Variants in PIK3C2A observed in about 807,000 individuals in gnomAD.
PIK3C2A encodes phosphatidylinositol-4-phosphate 3-kinase catalytic subunit type 2 alpha.
PIK3C2A carries 97 observed loss-of-function variants against 204.5 expected under a neutral mutation model. The observed-to-expected ratio is 0.47, with a 90% CI of 0.40 to 0.56. The LOEUF (loss-of-function observed/expected upper bound fraction) is 0.56, where lower values mean the gene tolerates loss of function less well. PIK3C2A is among the 20% of genes least tolerant of loss of function. The pLI is 0.00. For synonymous variants in PIK3C2A, 653 were observed against 664.4 expected (o/e 0.98, Z 0.26); for missense variants, 1,735 against 1,969.2 (o/e 0.88, Z 2.25).
intron 22 of PIK3C2A, among the ~76,000 whole-genome samples, chr11:17,108,386 G>A (rs988583238): frequency 3.9e-5 from 6 of 152,190 alleles, no homozygotes; most frequent in South Asian, 2.1e-4. Flanking sequence ...GTAGGATTTC[G>A]TGAGACCAGT....
chr11:17,172,686 C>A (rs1329767239), intron 1 of PIK3C2A, among the ~76,000 whole-genome samples: 1 of 152,206 alleles, frequency 6.6e-6, no homozygotes, highest in East Asian at 1.9e-4. Context: ...CCTCAGGGAA[C>A]AAACGGTTTT....
Position 17,089,505 on chromosome 11 carries a change from T to A in PIK3C2A, c.*233A>T. 1 of 441,248 alleles carries A rather than the reference T, an allele frequency of 2.3e-6. No homozygotes were observed. Among genetic ancestry groups the A allele is most frequent in the Non-Finnish European group, 4.1e-6 (1 of 246,624 alleles). 27.3% of individuals were successfully genotyped at this position (441,248 alleles called of 1,614,324 possible). A position where few individuals can be genotyped will look rare whatever the true frequency, so the allele number is the denominator to read the frequency against. On this transcript the variant is annotated 3_prime_UTR_variant, in exon 33 of 33. Transcript: ENST00000691414. ...AGTTTAGGGTTTGTAGCATTCTACA[T>A]AATGACTTTAAAACAGCAATGGCTT...
chr11:17,196,671 G>A (rs1388305801), intron 1 of PIK3C2A, among the ~76,000 whole-genome samples: 2 of 152,010 alleles, frequency 1.3e-5, no homozygotes, highest in Non-Finnish European at 2.9e-5. Context: ...CCGGGTTCAC[G>A]CCATTCTCCT....
chr11:17,174,130 A>G (rs1233250081), intron 1 of PIK3C2A, among the ~76,000 whole-genome samples: 1 of 151,966 alleles, frequency 6.6e-6, no homozygotes, highest in African/African-American at 2.4e-5. Flanking sequence ...CTGGCTGAAC[A>G]TGTGTTTTAA....
Position 17,169,863 on chromosome 11 carries a change from G to A in PIK3C2A, c.-65-57C>T. ...AGATTTCTAAACATAAATATATTTT[G>A]TTTGCAACCTACCCCATATGACTTT... is the stretch of plus-strand genomic sequence containing the variant. On this transcript the variant is annotated intron_variant, in intron 1 of 32. Coordinates refer to ENST00000691414, the MANE Select transcript of PIK3C2A (RefSeq NM_002645.4). 3 of 679,426 alleles carry A rather than the reference G, an allele frequency of 4.4e-6. No individual in the cohort carries two copies. The East Asian group carries it at 8.3e-5, about 19-fold the overall frequency. 42.1% of individuals were successfully genotyped at this position (679,426 alleles called of 1,614,324 possible). A position where few individuals can be genotyped will look rare whatever the true frequency, so the allele number is the denominator to read the frequency against.
At chr11:17,107,656 T>TA (rs1158388762) in intron 22 of PIK3C2A, among the ~76,000 whole-genome samples, 1 of 152,242 alleles carries the variant, frequency 6.6e-6, no homozygotes, top group Non-Finnish European at 1.5e-5. Context: ...ATATTATTTA[T>TA]ACAATTAAAA....
chr11:17,099,384 G>A (rs995024851), intron 26 of PIK3C2A, among the ~76,000 whole-genome samples: 1 of 152,222 alleles, frequency 6.6e-6, no homozygotes, highest in East Asian at 1.9e-4. Flanking sequence ...TAACATTTTA[G>A]AAAGAGACTT....
chr11:17,102,542 C>A, intron 24 of PIK3C2A, 120 bp downstream of exon 24: 1 of 716,516 alleles, frequency 1.4e-6, no homozygotes. Flanking sequence ...ATCTTTGGGC[C>A]TTTTTCATTC....
intron 8 of PIK3C2A, among the ~76,000 whole-genome samples, chr11:17,144,165 A>C (rs1293575699): frequency 1.3e-5 from 2 of 152,188 alleles, no homozygotes; most frequent in East Asian, 3.8e-4. Flanking sequence ...TTATACTTCC[A>C]TGTAAATATC....
intron 13 of PIK3C2A, among the ~76,000 whole-genome samples, chr11:17,123,060 G>T (rs755343075): frequency 6.6e-6 from 1 of 152,164 alleles, no homozygotes; most frequent in Non-Finnish European, 1.5e-5. Context: ...GGGGAAAATG[G>T]TGTTGAGGAC....
At chr11:17,093,076 G>A (rs939972323) in intron 28 of PIK3C2A, among the ~76,000 whole-genome samples, 12 of 152,106 alleles carry the variant, frequency 7.9e-5, no homozygotes, top group African/African-American at 2.9e-4. Flanking sequence ...GTGGAAAAAT[G>A]AAACTGTACA....
rs189598191 is a variant in PIK3C2A at position 17,136,327 on chromosome 11, C to G, written c.1848+155G>C. On this transcript the variant is annotated intron_variant, in intron 9 of 32. Transcript: ENST00000691414. ...AAGCTCTTCCAAGGCAGCCCAACTT[C>G]TTACCAAGGAATCCCCACCTAACCA... 2.5e-3 allele frequency among the ~76,000 whole-genome samples: 380 copies of G among 152,314 alleles called. 2 individuals carry two copies. The highest frequency in any genetic ancestry group is 5.2e-3 in the Admixed American group (80 of 15,288).
intron 11 of PIK3C2A, among the ~76,000 whole-genome samples, chr11:17,132,886 A>C (rs1293671996): frequency 1.3e-5 from 2 of 152,128 alleles, no homozygotes; most frequent in Non-Finnish European, 2.9e-5. Context: ...GATTGCAGTG[A>C]CTCAGCCACT....
intron 1 of PIK3C2A, among the ~76,000 whole-genome samples, chr11:17,192,777 T>C (rs1179031776): frequency 6.6e-6 from 1 of 152,254 alleles, no homozygotes; most frequent in African/African-American, 2.4e-5. Flanking sequence ...ACCTCATCAC[T>C]AGTCAACCTT....
At chr11:17,202,028 G>C (rs1852405199) in intron 1 of PIK3C2A, among the ~76,000 whole-genome samples, 1 of 152,006 alleles carries the variant, frequency 6.6e-6, no homozygotes, top group African/African-American at 2.4e-5. Flanking sequence ...GGCAGAGGCG[G>C]GCAGATCGCC....
At chr11:17,115,447 G>C (rs1010049427) in intron 19 of PIK3C2A, among the ~76,000 whole-genome samples, 1 of 149,132 alleles carries the variant, frequency 6.7e-6, no homozygotes, top group Non-Finnish European at 1.5e-5. Flanking sequence ...AGGCTGAAGC[G>C]AGAAGATCAC....
chr11:17,177,706 G>T (rs1249835681), intron 1 of PIK3C2A, among the ~76,000 whole-genome samples: 1 of 152,138 alleles, frequency 6.6e-6, no homozygotes, highest in Non-Finnish European at 1.5e-5. Flanking sequence ...CAAGTACTCT[G>T]GTGTTAGGAA....
intron 1 of PIK3C2A, among the ~76,000 whole-genome samples, chr11:17,191,154 G>GT (rs945957403): frequency 4.6e-5 from 7 of 152,208 alleles, no homozygotes; most frequent in African/African-American, 1.7e-4. Flanking sequence ...AACCATGGAG[G>GT]TAAGTTTTAA....
intron 17 of PIK3C2A, 42 bp downstream of exon 17, chr11:17,119,178 A>G (rs756039596): frequency 1.8e-6 from 2 of 1,113,336 alleles, no homozygotes; most frequent in Non-Finnish European, 2.7e-6. Context: ...ATAAAAAACT[A>G]GAGTGAAAGT....
Sources: allele counts gnomAD v4.1 joint callset (sites outside exome capture counted in the v4.1 genomes callset), GRCh38; gene constraint gnomAD v4.1.1; transcripts MANE v1.5; gene names NCBI Gene and HGNC (gene_info 2026-07-23, HGNC 2026-07-21).